CELSR1: variants seen among roughly 807,000 people sequenced by gnomAD.
CELSR1 encodes the protein cadherin EGF LAG seven-pass G-type receptor 1.
In CELSR1, 110 loss-of-function variants were observed where a neutral mutation model predicts 249.1. That is an observed-to-expected ratio of 0.44 (90% confidence interval 0.38 to 0.52). CELSR1 has a LOEUF of 0.52. CELSR1 is among the 20% of genes least tolerant of loss of function. The pLI is 0.00. For missense variants in CELSR1, 4,109 were observed against 4,296.4 expected, an observed-to-expected ratio of 0.96 and a Z score of 1.22; for synonymous variants, 2,113 against 1,900.0, an observed-to-expected ratio of 1.11 and a Z score of -2.92.
At chr22:46,502,916 C>G (rs1428249247) in intron 1 of CELSR1, among the ~76,000 whole-genome samples, 1 of 152,164 alleles carries the variant, frequency 6.6e-6, no homozygotes, top group Admixed American at 6.5e-5. Flanking sequence ...TCCCGGGAGA[C>G]AGCAAGCTGC....
rs766823156 is a variant in CELSR1 at position 46,365,369 on chromosome 22, C to T, written c.8416G>A (p.Asp2806Asn). ...SCKDPPGHDS[D>N]SDSELSLDEQ... ...TCCAGGGACAGCTCGCTATCTGAGT[C>T]GGAATCGTGGCCTGTGGATGCGCGG... Residue 2806 changes from aspartate to asparagine, a missense_variant, in exon 32 of 35, where the codon GAC becomes AAC. By Grantham distance (23) the Asp-to-Asn change is conservative. Around this residue, in one of 7 missense-constraint regions of CELSR1, gnomAD observed 1,805 missense variants for 1,831.6 expected, o/e 0.99. Transcript: ENST00000674500. 6.8e-6 allele frequency: 11 copies of T among 1,612,598 alleles called. No homozygotes were observed. The highest frequency in any genetic ancestry group is 4.0e-5 in the African/African-American group (3 of 74,944).
At position 46,374,333 on chromosome 22, in the gene CELSR1, T is replaced by TGCCATCCTGGCTGC. The variant is rs765702289; in HGVS notation, c.7585-1290_7585-1277dup. 6.6e-6 allele frequency among the ~76,000 whole-genome samples: 1 copy of TGCCATCCTGGCTGC among 152,242 alleles called. No individual in the cohort carries two copies. The highest frequency in any genetic ancestry group is 1.5e-5 in the Non-Finnish European group (1 of 68,044). On this transcript the variant is annotated intron_variant, in intron 24 of 34. Transcript: ENST00000674500. This position sits in a 1 kb window ranked among gnomAD's most constrained non-coding sequence, Gnocchi z 4.3. Reference sequence around the variant, plus strand: ...TTTTGAAAACAAAGTGCGAGGGCTGTGCCATCCTGGCTGCAGCAGGGTCGT... The same window carrying TGCCATCCTGGCTGC: ...TTTTGAAAACAAAGTGCGAGGGCTGTGCCATCCTGGCTGCGCCATCCTGGCTGCAGCAGGGTCGT...
Position 46,533,771 on chromosome 22 carries a change from C to T in CELSR1, c.3400G>A (p.Val1134Met), listed in dbSNP as rs370541822. Residue 1134 changes from valine (V) to methionine (M), a missense_variant, in exon 1 of 35, where the codon GTG becomes ATG. Physicochemically the swap from Val to Met is conservative, Grantham distance 21 (BLOSUM62 1). Around this residue, in one of 7 missense-constraint regions of CELSR1, gnomAD observed 886 missense variants for 896.5 expected, o/e 0.99. Coordinates refer to ENST00000674500, the MANE Select transcript of CELSR1 (RefSeq NM_001378328.1). ...IGCIPAHDPD[V>M]SDSLNYTFVQ... ...AAGGTGTAGTTGAGGCTGTCTGACA[C>T]GTCGGGGTCATGGGCCGGGATGCAG... is the stretch of plus-strand genomic sequence containing the variant. 2.5e-5 allele frequency: 40 copies of T among 1,613,606 alleles called. No individual in the cohort carries two copies. Among genetic ancestry groups the T allele is most frequent in the Non-Finnish European group, 2.9e-5 (34 of 1,180,038 alleles).
Position 46,441,938 on chromosome 22 carries a change from C to T in CELSR1, c.4184-2527G>A, listed in dbSNP as rs2079754904. Among the ~76,000 whole-genome samples, 1 of 152,078 alleles carries T rather than the reference C, an allele frequency of 6.6e-6. No homozygotes were observed. The highest frequency in any genetic ancestry group is 2.1e-4 in the South Asian group (1 of 4,812). On this transcript the variant is annotated intron_variant, in intron 2 of 34. Transcript: ENST00000674500. The surrounding 1 kb of genome is among the most constrained non-coding windows in gnomAD (Gnocchi z 6.1). ...CTGAGGCGGGTAGATTACCAGAGGT[C>T]GAGAGTTCAAGACCAGCCTAACCAA...
Position 46,506,934 on chromosome 22 carries a change from C to T in CELSR1, c.3544+26693G>A, listed in dbSNP as rs558590464. ...ATTCCAGGCGGGGCGTGGTGGCTCACGTTTGTAATCCCAGCACTTTGGGAG... is the reference window on the plus strand; with the variant it reads ...ATTCCAGGCGGGGCGTGGTGGCTCATGTTTGTAATCCCAGCACTTTGGGAG... On this transcript the variant is annotated intron_variant, in intron 1 of 34. Coordinates refer to ENST00000674500, the MANE Select transcript of CELSR1 (RefSeq NM_001378328.1). The surrounding 1 kb of genome is among the most constrained non-coding windows in gnomAD (Gnocchi z 4.1). Among the ~76,000 whole-genome samples the T allele has an allele frequency of 1.3e-5, 2 of 152,276 alleles. No homozygotes were observed. Among genetic ancestry groups the T allele is most frequent in the South Asian group, 4.1e-4 (2 of 4,820 alleles).
chr22:46,370,219 A>G (rs1251977587), intron 25 of CELSR1: 2 of 447,616 alleles, frequency 4.5e-6, no homozygotes, highest in South Asian at 3.2e-5. Context: ...GCTCCAAAAC[A>G]GATGGAGGAC....
chr22:46,534,212 C>G lies in CELSR1; in HGVS notation c.2959G>C (p.Val987Leu). The G allele has an allele frequency of 3.7e-6, 6 of 1,613,842 alleles. No homozygotes were observed. Among genetic ancestry groups the G allele is most frequent in the Non-Finnish European group, 5.1e-6 (6 of 1,180,046 alleles). ...TPLSASVEIQ[V>L]TILDINDNAP... is the part of the protein sequence containing the mutation. The stretch of plus-strand genomic sequence containing the variant: ...TTGTCATTAATGTCCAAGATGGTCA[C>G]CTGGATTTCTACCGAGGCGCTAAGG... Residue 987 changes from valine to leucine, a missense_variant, in exon 1 of 35, where the codon GTG (valine) becomes CTG (leucine). Coordinates refer to ENST00000674500, the MANE Select transcript of CELSR1 (RefSeq NM_001378328.1). The surrounding 1 kb of genome is among the most constrained non-coding windows in gnomAD (Gnocchi z 9.7).
chr22:46,530,796 TG>T (rs2080783779), intron 1 of CELSR1, among the ~76,000 whole-genome samples: 1 of 151,758 alleles, frequency 6.6e-6, no homozygotes, highest in Non-Finnish European at 1.5e-5. Context: ...TCCCAGGCCC[TG>T]CCCTCCGATG....
chr22:46,463,589 A>T (rs1373138908), intron 2 of CELSR1, 118 bp downstream of exon 2: 2 of 1,128,496 alleles, frequency 1.8e-6, no homozygotes, highest in Admixed American at 7.1e-5. Context: ...ACCTGGGCCC[A>T]GCGCCCATCC....
At chr22:46,370,711 C>CCA (rs1555904772) in intron 25 of CELSR1, among the ~76,000 whole-genome samples, 1 of 152,214 alleles carries the variant, frequency 6.6e-6, no homozygotes, top group Non-Finnish European at 1.5e-5. Context: ...TTAACACCCT[C>CCA]CAGCACTTCC....
chr22:46,511,456 G>C (rs1252837831), intron 1 of CELSR1, among the ~76,000 whole-genome samples: 1 of 152,214 alleles, frequency 6.6e-6, no homozygotes, highest in Non-Finnish European at 1.5e-5. Context: ...GCATGGCGTG[G>C]AGCAGACTTT....
At chr22:46,481,399 A>G (rs2080264949) in intron 1 of CELSR1, 1 of 1,223,916 alleles carries the variant, frequency 8.2e-7, no homozygotes, top group African/African-American at 1.5e-5. Flanking sequence ...GTGGTCATCC[A>G]CACACTTGGT....
rs1000102684 is a variant in CELSR1 at position 46,374,126 on chromosome 22, T to G, written c.7585-1069A>C. Among the ~76,000 whole-genome samples the G allele has an allele frequency of 6.6e-6, 1 of 152,280 alleles. No homozygotes were observed. Among genetic ancestry groups the G allele is most frequent in the African/African-American group, 2.4e-5 (1 of 41,544 alleles). Reference sequence around the variant, plus strand: ...CAAGTTATGCCAGAGACAGGCCCTTTGCCTCAGACTGTGGCCTCGGTCAGG... The same window carrying G: ...CAAGTTATGCCAGAGACAGGCCCTTGGCCTCAGACTGTGGCCTCGGTCAGG... On this transcript the variant is annotated intron_variant, in intron 24 of 34. Coordinates refer to ENST00000674500, the MANE Select transcript of CELSR1 (RefSeq NM_001378328.1). This position sits in a 1 kb window ranked among gnomAD's most constrained non-coding sequence, Gnocchi z 4.3.
Position 46,535,287 on chromosome 22 carries a change from G to A in CELSR1, c.1884C>T (p.Phe628=), listed in dbSNP as rs1388588457. 1 of 1,611,050 alleles carries A rather than the reference G, an allele frequency of 6.2e-7. No homozygotes were observed. The highest frequency in any genetic ancestry group is 1.1e-5 in the South Asian group (1 of 91,088). ...CGGAGCTGTTGTGGATCTGGAAGGG[G>A]AAGTCAGGGGTGGGGGCAGGATTCT... is the stretch of plus-strand genomic sequence containing the variant. ...GPKNPAPTPD[F]PFQIHNSSGW... Residue 628 remains phenylalanine, a synonymous_variant, in exon 1 of 35, where the codon TTC becomes TTT. Transcript: ENST00000674500.
chr22:46,450,363 G>A (rs1399185736), intron 2 of CELSR1, among the ~76,000 whole-genome samples: 3 of 152,250 alleles, frequency 2.0e-5, no homozygotes, highest in Non-Finnish European at 2.9e-5. Flanking sequence ...GCCACATGGC[G>A]TCCCAACAGC....
intron 1 of CELSR1, among the ~76,000 whole-genome samples, chr22:46,513,964 T>C (rs796738747): frequency 1.3e-5 from 2 of 152,054 alleles, no homozygotes; most frequent in African/African-American, 4.8e-5. Context: ...CCAGCTAATT[T>C]TTGTATTCTT....
At chr22:46,524,744 T>C (rs2080722201) in intron 1 of CELSR1, among the ~76,000 whole-genome samples, 2 of 152,060 alleles carry the variant, frequency 1.3e-5, no homozygotes, top group South Asian at 4.1e-4. Flanking sequence ...CACAAGTCCT[T>C]ACCCGAAGCA....
intron 20 of CELSR1, 22 bp downstream of exon 20, chr22:46,384,521 G>A (rs1286607616): frequency 1.3e-6 from 2 of 1,574,834 alleles, no homozygotes; most frequent in Non-Finnish European, 8.6e-7. Context: ...GAGGGCAGCA[G>A]CAGGTTTCTA....
chr22:46,399,629 T>A lies in CELSR1; in HGVS notation c.5412+88A>T. On this transcript the variant is annotated intron_variant, in intron 10 of 34. Transcript: ENST00000674500. This position sits in a 1 kb window ranked among gnomAD's most constrained non-coding sequence, Gnocchi z 5.0. ...CTCCCCAAATCCACAAGGTCTCTGG[T>A]GGGTCCTGGCACGTCAAGGGGTCAT... The A allele has an allele frequency of 2.2e-6, 3 of 1,366,046 alleles. No homozygotes were observed. In the Admixed American group the frequency reaches 5.4e-5, roughly 24 times the overall value. The allele number at this position is 1,366,046 out of a possible 1,614,324, so 84.6% of individuals were successfully genotyped here.
Sources: gnomAD v4.1 joint callset for allele counts (sites outside exome capture counted in the v4.1 genomes callset) on GRCh38, gnomAD v4.1.1 for gene constraint, gnomAD v4.1.1 regional missense constraint, Gnocchi (gnomAD v3.1) non-coding constraint, MANE v1.5 for transcripts, NCBI Gene and HGNC (gene_info 2026-07-23, HGNC 2026-07-21) for gene names.